RASGRF1: variants seen among roughly 807,000 people sequenced by gnomAD.
RASGRF1 encodes ras-specific guanine nucleotide-releasing factor 1.
A neutral mutation model predicts 138.7 loss-of-function variants in RASGRF1; 40 were observed. The ratio of observed to expected loss-of-function variants is 0.29; its 90% CI spans 0.22 to 0.38. RASGRF1 has a LOEUF of 0.38. Among genes scored for constraint, RASGRF1 ranks in the 10% least tolerant of loss-of-function variants. RASGRF1 has a pLI of 1.00. For missense variants in RASGRF1, 1,108 were observed against 1,650.4 expected (o/e 0.67, Z 5.69); for synonymous variants, 614 against 663.2 (o/e 0.93, Z 1.14).
At chr15:78,976,585 C>CA (rs1596314962) in intron 24 of RASGRF1, among the ~76,000 whole-genome samples, 2 of 143,966 alleles carry the variant, frequency 1.4e-5, no homozygotes, top group South Asian at 2.1e-4. Context: ...CACACACACA[C>CA]CCATCCGAAA....
At chr15:79,087,574 A>G (rs1426369658) in intron 1 of RASGRF1, among the ~76,000 whole-genome samples, 1 of 152,244 alleles carries the variant, frequency 6.6e-6, no homozygotes, top group East Asian at 1.9e-4. Flanking sequence ...GTACATGCCC[A>G]GCAGATTGAG....
intron 20 of RASGRF1, among the ~76,000 whole-genome samples, chr15:78,993,757 G>C (rs2141669228): frequency 6.6e-6 from 1 of 152,244 alleles, no homozygotes; most frequent in South Asian, 2.1e-4. Flanking sequence ...ATGGCCCAGA[G>C]GCCCAGGCGC....
intron 26 of RASGRF1, among the ~76,000 whole-genome samples, chr15:78,967,203 A>G (rs1246205714): frequency 6.6e-6 from 1 of 152,104 alleles, no homozygotes; most frequent in Non-Finnish European, 1.5e-5. Flanking sequence ...TGATTGTGTC[A>G]CTGCATTTGA....
chr15:79,035,048 G>C, intron 6 of RASGRF1, 83 bp downstream of exon 6: 1 of 1,221,952 alleles, frequency 8.2e-7, no homozygotes, highest in South Asian at 1.5e-5. Context: ...TTATGCTCTA[G>C]AAGGACAAAA....
intron 20 of RASGRF1, among the ~76,000 whole-genome samples, chr15:78,993,232 ATGTG>A (rs1443869254): frequency 9.3e-5 from 5 of 53,584 alleles, no homozygotes; most frequent in East Asian, 8.3e-4. Context: ...TGTGTGGGTG[ATGTG>A]TGTGTGTGTA....
chr15:78,972,256 C>A (rs550201844), intron 25 of RASGRF1, among the ~76,000 whole-genome samples: 24 of 151,836 alleles, frequency 1.6e-4, no homozygotes, highest in Admixed American at 1.6e-3. Flanking sequence ...CCACCACGCC[C>A]GGCTAATTTT....
At chr15:79,052,579 C>T (rs1322523485) in intron 3 of RASGRF1, among the ~76,000 whole-genome samples, 1 of 152,128 alleles carries the variant, frequency 6.6e-6, no homozygotes, top group Non-Finnish European at 1.5e-5. Flanking sequence ...GTCAGGCATT[C>T]ATAGAGGTGG....
At chr15:79,012,517 C>A in intron 13 of RASGRF1, 30 of 1,613,528 alleles carry the variant, frequency 1.9e-5, no homozygotes, top group Non-Finnish European at 2.5e-5. Flanking sequence ...CTGGTCCCCT[C>A]CCTGGTCCTC....
At chr15:78,988,510 C>A (rs1038928542) in intron 22 of RASGRF1, among the ~76,000 whole-genome samples, 4 of 152,226 alleles carry the variant, frequency 2.6e-5, no homozygotes, top group Non-Finnish European at 4.4e-5. Context: ...GTGCCCAGGC[C>A]TAGGAGGCCC....
chr15:79,077,231 G>C (rs187331786), intron 1 of RASGRF1, among the ~76,000 whole-genome samples: 1 of 152,152 alleles, frequency 6.6e-6, no homozygotes, highest in Non-Finnish European at 1.5e-5. Flanking sequence ...ACCAGGGTTT[G>C]GAGTCATCAG....
chr15:79,071,624 C>T (rs565870775), intron 1 of RASGRF1, among the ~76,000 whole-genome samples: 6 of 152,072 alleles, frequency 3.9e-5, no homozygotes, highest in Admixed American at 3.9e-4. Flanking sequence ...TCCTCCTTGG[C>T]CTCCCAAAGT....
intron 1 of RASGRF1, among the ~76,000 whole-genome samples, chr15:79,074,075 T>C (rs1253201076): frequency 6.6e-6 from 1 of 152,244 alleles, no homozygotes; most frequent in Non-Finnish European, 1.5e-5. Flanking sequence ...CAGAGGTAAG[T>C]AGATGTAAAA....
chr15:78,991,404 C>T (rs963420326), intron 21 of RASGRF1, among the ~76,000 whole-genome samples: 9 of 152,166 alleles, frequency 5.9e-5, no homozygotes, highest in African/African-American at 9.7e-5. Context: ...GGTACATGTG[C>T]ACACACACAT....
intron 24 of RASGRF1, chr15:78,979,225 T>G: frequency 8.1e-6 from 10 of 1,229,012 alleles, no homozygotes; most frequent in Non-Finnish European, 1.0e-5. Flanking sequence ...ACAAACAAAG[T>G]GGAGATGGTC....
At chr15:78,963,136 T>C (rs2055580075) in intron 26 of RASGRF1, among the ~76,000 whole-genome samples, 1 of 152,166 alleles carries the variant, frequency 6.6e-6, no homozygotes, top group Non-Finnish European at 1.5e-5. Flanking sequence ...TGAAGCATTT[T>C]GCTGAATGCC....
chr15:78,978,976 T>C, intron 24 of RASGRF1: 1 of 1,290,298 alleles, frequency 7.8e-7, no homozygotes, highest in Non-Finnish European at 1.0e-6. Context: ...GGGTGGGGAC[T>C]CAGACAGAAT....
intron 13 of RASGRF1, among the ~76,000 whole-genome samples, chr15:79,014,890 C>T (rs1452697219): frequency 1.3e-5 from 2 of 150,820 alleles, no homozygotes; most frequent in East Asian, 3.9e-4. Flanking sequence ...GTACTCCAGC[C>T]TGGGTGACAG....
intron 1 of RASGRF1, among the ~76,000 whole-genome samples, chr15:79,072,534 C>A (rs1380152015): frequency 6.6e-6 from 1 of 152,100 alleles, no homozygotes; most frequent in Admixed American, 6.5e-5. Flanking sequence ...CTCGGCCTCC[C>A]AAAGTGCTGG....
chr15:78,999,803 C>T lies in RASGRF1; in HGVS notation c.2686G>A (p.Gly896Arg), dbSNP rs373938270. ...AASAFAIATA[G>R]ANEGTPNKEK... The stretch of plus-strand genomic sequence containing the variant: ...TTGTTTGGGGTGCCCTCGTTGGCCC[C>T]GGCGGTTGCTATGGCAAAGGCAGAG... Residue 896 changes from glycine to arginine, a missense_variant, in exon 17 of 27, where the codon GGG becomes AGG. By Grantham distance (125) the Gly-to-Arg change is moderately radical. Coordinates refer to ENST00000558480, the MANE Select transcript of RASGRF1 (RefSeq NM_001145648.3). 9.9e-6 allele frequency: 16 copies of T among 1,614,142 alleles called. No individual in the cohort carries two copies. Among genetic ancestry groups the T allele is most frequent in the East Asian group, 2.2e-5 (1 of 44,880 alleles).
Sources: allele counts gnomAD v4.1 joint callset (sites outside exome capture counted in the v4.1 genomes callset), GRCh38; gene constraint gnomAD v4.1.1; transcripts MANE v1.5; gene names NCBI Gene and HGNC (gene_info 2026-07-23, HGNC 2026-07-21).